Variants in ZMAT5 observed in about 807,000 individuals in gnomAD.
ZMAT5 encodes zinc finger matrin-type protein 5.
A neutral mutation model predicts 28.0 loss-of-function variants in ZMAT5; 23 were observed. That is an observed-to-expected ratio of 0.82 (90% confidence interval 0.59 to 1.16). ZMAT5 has a LOEUF of 1.16. ZMAT5 is among the 50% of genes most tolerant of loss of function. The probability of loss-of-function intolerance (pLI) is 0.00; values close to 1 mark genes in which losing one functional copy is unlikely to be tolerated. For missense variants in ZMAT5, 173 were observed against 212.7 expected (o/e 0.81, Z 1.16); for synonymous variants, 76 against 84.1 (o/e 0.90, Z 0.52).
At chr22:29,750,073 T>C (rs1028607565) in intron 1 of ZMAT5, among the ~76,000 whole-genome samples, 1 of 152,204 alleles carries the variant, frequency 6.6e-6, no homozygotes, top group Non-Finnish European at 1.5e-5. Context: ...ACAATGAGAA[T>C]ATAAACCCAT....
chr22:29,748,685 C>CCG, intron 1 of ZMAT5, 114 bp from the exon 2 acceptor site: 1 of 1,345,964 alleles, frequency 7.4e-7, no homozygotes, highest in Admixed American at 2.2e-5. Context: ...CATATGCACC[C>CCG]CGCCCCATTA....
intron 1 of ZMAT5, among the ~76,000 whole-genome samples, chr22:29,754,096 G>C (rs979179033): frequency 2.0e-5 from 3 of 152,094 alleles, no homozygotes; most frequent in African/African-American, 7.2e-5. Flanking sequence ...GCCGAGGAGG[G>C]GTCAGGGACA....
chr22:29,739,125 G>C (rs1001517699), intron 4 of ZMAT5, among the ~76,000 whole-genome samples: 3 of 152,312 alleles, frequency 2.0e-5, no homozygotes, highest in South Asian at 2.1e-4. Context: ...TCACCTGCCG[G>C]GTCTTTGACC....
chr22:29,745,544 CCTT>C (rs1055958639), intron 2 of ZMAT5, among the ~76,000 whole-genome samples: 5 of 152,208 alleles, frequency 3.3e-5, no homozygotes, highest in Non-Finnish European at 5.9e-5. Context: ...TGGAGGGAAT[CCTT>C]CTGAGGACCC....
intron 1 of ZMAT5, among the ~76,000 whole-genome samples, chr22:29,752,470 C>G (rs900076436): frequency 9.2e-5 from 14 of 152,134 alleles, no homozygotes; most frequent in African/African-American, 3.1e-4. Flanking sequence ...CCCACCCATG[C>G]CCTCCTCTGC....
At chr22:29,736,223 C>T (rs1365095429) in intron 5 of ZMAT5, among the ~76,000 whole-genome samples, 1 of 152,218 alleles carries the variant, frequency 6.6e-6, no homozygotes, top group Non-Finnish European at 1.5e-5. Flanking sequence ...GATCCCTGGA[C>T]AGCAACCAGT....
intron 1 of ZMAT5, among the ~76,000 whole-genome samples, chr22:29,755,338 A>AGAGAGAGAGAGGGAGGGAGG (rs1464976208): frequency 2.5e-5 from 1 of 39,266 alleles, no homozygotes; most frequent in Non-Finnish European, 5.1e-5. Flanking sequence ...AGAGAGAGAG[A>AGAGAGAGAGAGGGAGGGAGG]GAGGGAGGGA....
chr22:29,750,624 A>C (rs1445169866), intron 1 of ZMAT5, among the ~76,000 whole-genome samples: 1 of 152,376 alleles, frequency 6.6e-6, no homozygotes, highest in Non-Finnish European at 1.5e-5. Flanking sequence ...GGCTGAGCCC[A>C]GACCAACTGC....
At chr22:29,739,459 A>G (rs1227070260) in intron 4 of ZMAT5, among the ~76,000 whole-genome samples, 1 of 152,178 alleles carries the variant, frequency 6.6e-6, no homozygotes, top group African/African-American at 2.4e-5. Context: ...TGGGCTGTAC[A>G]GGTGTCATCT....
At chr22:29,757,025 C>T (rs1312571980) in intron 1 of ZMAT5, among the ~76,000 whole-genome samples, 2 of 151,588 alleles carry the variant, frequency 1.3e-5, no homozygotes, top group Non-Finnish European at 2.9e-5. Flanking sequence ...GGCGACAGAG[C>T]GAGACTATCT....
Position 29,742,464 on chromosome 22 carries a change from C to A in ZMAT5, c.144G>T (p.Leu48Phe). 6.2e-7 allele frequency: 1 copy of A among 1,612,972 alleles called. No homozygotes were observed. Among genetic ancestry groups the A allele is most frequent in the Non-Finnish European group, 8.5e-7 (1 of 1,179,952 alleles). ...YDMFRDAAAI[L>F]LDEQNKRPCR... ...AGGGCCGCTTGTTCTGCTCATCCAG[C>A]AAGATGGCAGCTGCATCTGCGAGAG... Residue 48 changes from leucine to phenylalanine, a missense_variant, in exon 3 of 6, where the codon TTG (leucine) becomes TTT (phenylalanine). Transcript: ENST00000344318.
chr22:29,731,911 A>C (rs573874410), intron 5 of ZMAT5: 3 of 152,326 alleles, frequency 2.0e-5, no homozygotes, highest in African/African-American at 7.2e-5. Context: ...AAGTTTTACG[A>C]GCACACAAGC....
intron 5 of ZMAT5, among the ~76,000 whole-genome samples, chr22:29,735,121 G>A (rs527619790): frequency 6.6e-6 from 1 of 152,180 alleles, no homozygotes; most frequent in Non-Finnish European, 1.5e-5. Context: ...AGCAGGGTAG[G>A]GGGTGTGGAT....
intron 4 of ZMAT5, among the ~76,000 whole-genome samples, chr22:29,740,115 T>C (rs2067947789): frequency 6.6e-6 from 1 of 152,170 alleles, no homozygotes; most frequent in South Asian, 2.1e-4. Flanking sequence ...ATAAACACCA[T>C]CTCAGTCAGA....
intron 5 of ZMAT5, among the ~76,000 whole-genome samples, chr22:29,736,867 A>G (rs1394652006): frequency 6.6e-6 from 1 of 151,532 alleles, no homozygotes; most frequent in Non-Finnish European, 1.5e-5. Flanking sequence ...CACTAAAAAC[A>G]CACAAAAAAA....
chr22:29,741,826 A>T (rs895132265), intron 3 of ZMAT5, among the ~76,000 whole-genome samples: 13 of 152,052 alleles, frequency 8.5e-5, no homozygotes, highest in East Asian at 3.9e-4. Flanking sequence ...ATTAAAAAAA[A>T]TTTTTTTGGT....
chr22:29,761,049 C>T (rs551052860), intron 1 of ZMAT5, among the ~76,000 whole-genome samples: 29 of 141,098 alleles, frequency 2.1e-4, no homozygotes, highest in Non-Finnish European at 3.4e-4. Context: ...CTGAGGCAGG[C>T]GGATGACAAG....
intron 2 of ZMAT5, among the ~76,000 whole-genome samples, chr22:29,742,700 C>T (rs140121): frequency 0.42 from 63,586 of 152,040 alleles, 13,902 homozygotes; most frequent in East Asian, 0.6. Context: ...TCCCACCCCA[C>T]GCAGGACGGG....
chr22:29,744,053 C>T (rs2147223502), intron 2 of ZMAT5, among the ~76,000 whole-genome samples: 1 of 152,280 alleles, frequency 6.6e-6, no homozygotes, highest in East Asian at 1.9e-4. Context: ...ATAGTTCCCA[C>T]CTGGCAGGGC....
Sources: allele counts gnomAD v4.1 joint callset (sites outside exome capture counted in the v4.1 genomes callset), GRCh38; gene constraint gnomAD v4.1.1; transcripts MANE v1.5; gene names NCBI Gene and HGNC (gene_info 2026-07-23, HGNC 2026-07-21).